The following ZNF33A variants were observed in gnomAD, a reference collection of about 807,000 sequenced individuals.
ZNF33A encodes the protein brain my041 protein.
ZNF33A carries 9 observed loss-of-function variants against 15.9 expected under a neutral mutation model. The ratio of observed to expected loss-of-function variants is 0.57; its 90% CI spans 0.34 to 0.99. The LOEUF (loss-of-function observed/expected upper bound fraction) is 0.99. ZNF33A is among the 50% of genes least tolerant of loss of function. ZNF33A has a pLI of 0.02. For synonymous variants in ZNF33A, 294 were observed against 324.2 expected (o/e 0.91, Z 1.00); for missense variants, 843 against 941.6 (o/e 0.90, Z 1.37).
rs369092081 is a variant in ZNF33A, at chr10:38,012,283, C to G, written c.-44-15C>G. The G allele has an allele frequency of 5.6e-6, 9 of 1,608,894 alleles. No homozygotes were observed. The highest frequency in any genetic ancestry group is 5.9e-6 in the Non-Finnish European group (7 of 1,178,630). On this transcript the variant is annotated splice_polypyrimidine_tract_variant and intron_variant, in intron 1 of 4. Transcript: ENST00000432900. ...CCAAATCTTTCATGACCCCATTCCT[C>G]TTTTTCTAACTCAGCTGTATCTTCA...
At chr10:38,020,256 G>T (rs1179673758) in intron 4 of ZNF33A, among the ~76,000 whole-genome samples, 2 of 152,008 alleles carry the variant, frequency 1.3e-5, no homozygotes, top group South Asian at 4.1e-4. Flanking sequence ...TACATAGTAG[G>T]TATATATATT....
At chr10:38,016,799 C>T in intron 2 of ZNF33A, 72 bp from the exon 3 acceptor site, 4 of 1,523,632 alleles carry the variant, frequency 2.6e-6, no homozygotes, top group South Asian at 1.2e-5. Context: ...AAACAATATT[C>T]TGTGAATAAT....
chr10:38,043,306 A>G (rs1356302471), intron 4 of ZNF33A, among the ~76,000 whole-genome samples: 1 of 142,238 alleles, frequency 7.0e-6, no homozygotes, highest in Admixed American at 7.3e-5. Flanking sequence ...ATAAGAACAC[A>G]TGGACACAGG....
At chr10:38,045,566 AT>A (rs1437714722) in intron 4 of ZNF33A, among the ~76,000 whole-genome samples, 3 of 152,226 alleles carry the variant, frequency 2.0e-5, no homozygotes, top group African/African-American at 7.2e-5. Flanking sequence ...GAAAACATAA[AT>A]TTAAAAATCA....
Position 38,058,192 on chromosome 10 carries a change from C to A in ZNF33A, c.*1632C>A. 2.2e-6 allele frequency: 1 copy of A among 464,838 alleles called. No homozygotes were observed. Among genetic ancestry groups the A allele is most frequent in the Non-Finnish European group, 2.8e-6 (1 of 354,554 alleles). The allele number at this position is 464,838 out of a possible 1,614,324, so 28.8% of individuals were successfully genotyped here. ...TTGAAAAGAGAAAATCGATAAAACC[C>A]AAAACTGGTTCCTTGAAAAGGTCAG... On this transcript the variant is annotated 3_prime_UTR_variant, in exon 5 of 5. Coordinates refer to ENST00000432900, the MANE Select transcript of ZNF33A (RefSeq NM_006954.2).
chr10:38,029,184 T>C (rs2065110494), intron 4 of ZNF33A, among the ~76,000 whole-genome samples: 1 of 152,210 alleles, frequency 6.6e-6, no homozygotes. Flanking sequence ...AGAGTCTAGT[T>C]TGTTTTTATT....
chr10:38,059,627 A>G lies in ZNF33A; in HGVS notation c.*3067A>G, dbSNP rs1213940736. The G allele has an allele frequency of 6.6e-6, 1 of 152,244 alleles. No individual in the cohort carries two copies. 9.4% of individuals were successfully genotyped at this position (152,244 alleles called of 1,614,324 possible). On this transcript the variant is annotated 3_prime_UTR_variant, in exon 5 of 5. Transcript: ENST00000432900. ...AATCTGAAAAGGCTTTCTATTTTGT[A>G]TGATTGCAATTATATGACATTTTGG...
Position 38,054,644 on chromosome 10 carries a change from G to T in ZNF33A, c.520G>T (p.Gly174Trp). Residue 174 changes from glycine to tryptophan, a missense_variant, in exon 5 of 5, where the codon GGG (glycine) becomes TGG (tryptophan). Physicochemically the swap from Gly to Trp is radical, Grantham distance 184. Coordinates refer to ENST00000432900, the MANE Select transcript of ZNF33A (RefSeq NM_006954.2). ...AAAGTCTGATGAATTTAATGCCTGT[G>T]GGAAATTGTTACTCAATATTAAGCA... is the stretch of plus-strand genomic sequence containing the variant. ...GKKSDEFNAC[G>W]KLLLNIKHDE... The T allele has an allele frequency of 6.2e-7, 1 of 1,612,602 alleles. No homozygotes were observed. The highest frequency in any genetic ancestry group is 8.5e-7 in the Non-Finnish European group (1 of 1,179,656).
chr10:38,014,500 C>T (rs974897666), intron 2 of ZNF33A, among the ~76,000 whole-genome samples: 3 of 152,212 alleles, frequency 2.0e-5, no homozygotes, highest in South Asian at 2.1e-4. Flanking sequence ...TTGGCATTCA[C>T]ATTTACATCT....
chr10:38,042,321 G>T (rs758254595), intron 4 of ZNF33A, among the ~76,000 whole-genome samples: 1 of 151,810 alleles, frequency 6.6e-6, no homozygotes, highest in African/African-American at 2.4e-5. Context: ...GAGTAGCTGG[G>T]ATTACAGGCA....
downstream of ZNF33A, among the ~76,000 whole-genome samples, chr10:38,065,917 G>A (rs1312029711): frequency 6.6e-6 from 1 of 152,000 alleles, no homozygotes; most frequent in Non-Finnish European, 1.5e-5. Flanking sequence ...CACCATACTG[G>A]CCAGGCTGTT....
At chr10:38,041,265 C>G (rs1266750797) in intron 4 of ZNF33A, among the ~76,000 whole-genome samples, 1 of 151,928 alleles carries the variant, frequency 6.6e-6, no homozygotes, top group African/African-American at 2.4e-5. Flanking sequence ...CACCCTCCTC[C>G]CCACCCCTCC....
chr10:38,050,773 T>C (rs72793736), intron 4 of ZNF33A, among the ~76,000 whole-genome samples: 9,901 of 152,312 alleles, frequency 0.065, 429 homozygotes, highest in Non-Finnish European at 0.1. Context: ...TCTTAGGAAA[T>C]ACTAATTTTC....
At chr10:38,047,948 G>C (rs979395689) in intron 4 of ZNF33A, among the ~76,000 whole-genome samples, 2 of 152,142 alleles carry the variant, frequency 1.3e-5, no homozygotes, top group Admixed American at 6.6e-5. Context: ...ATGTTTTATG[G>C]AGGAACAAAG....
At chr10:38,049,834 C>G (rs189668088) in intron 4 of ZNF33A, among the ~76,000 whole-genome samples, 1 of 151,576 alleles carries the variant, frequency 6.6e-6, no homozygotes, top group Non-Finnish European at 1.5e-5. Context: ...TTGAGAAGAT[C>G]GATAAAATGG....
intron 4 of ZNF33A, among the ~76,000 whole-genome samples, chr10:38,051,304 G>A (rs542792475): frequency 5.9e-5 from 9 of 151,994 alleles, no homozygotes; most frequent in South Asian, 2.1e-4. Flanking sequence ...TATATATACC[G>A]AAACTTGTAT....
chr10:38,056,090 C>A lies in ZNF33A; in HGVS notation c.1966C>A (p.Gln656Lys). The part of the protein sequence containing the change: ...FCHKSALIVH[Q>K]RTHTQEKPYK... ...CCATAAGTCAGCTCTAATTGTACAT[C>A]AGAGAACCCATACACAAGAAAAGCC... is the stretch of plus-strand genomic sequence containing the variant. The change falls in exon 5 of 5, where the codon CAG (glutamine) becomes AAG (lysine). Residue 656 changes from glutamine (Q) to lysine (K), a missense_variant. Gln to Lys is a moderately conservative substitution (Grantham distance 53). Coordinates refer to ENST00000432900, the MANE Select transcript of ZNF33A (RefSeq NM_006954.2). The A allele has an allele frequency of 6.2e-7, 1 of 1,614,034 alleles. No homozygotes were observed. Among genetic ancestry groups the A allele is most frequent in the East Asian group, 2.2e-5 (1 of 44,864 alleles).
At chr10:38,045,922 A>C (rs1326968732) in intron 4 of ZNF33A, among the ~76,000 whole-genome samples, 2 of 152,190 alleles carry the variant, frequency 1.3e-5, no homozygotes, top group African/African-American at 2.4e-5. Flanking sequence ...TAGAGGCTAC[A>C]GCAGTGTTTT....
intron 4 of ZNF33A, among the ~76,000 whole-genome samples, chr10:38,019,351 T>C (rs1018138926): frequency 7.2e-5 from 11 of 152,232 alleles, no homozygotes; most frequent in African/African-American, 2.7e-4. Flanking sequence ...TTCCATGGTA[T>C]ATATGTGCCA....
Sources: gnomAD v4.1 joint callset for allele counts (sites outside exome capture counted in the v4.1 genomes callset) on GRCh38, gnomAD v4.1.1 for gene constraint, MANE v1.5 for transcripts, NCBI Gene and HGNC (gene_info 2026-07-23, HGNC 2026-07-21) for gene names.